Variants in RARS2 observed in about 807,000 individuals in gnomAD.
RARS2 encodes the protein probable arginine--tRNA ligase, mitochondrial.
RARS2 carries 67 observed loss-of-function variants against 88.5 expected under a neutral mutation model. That is an observed-to-expected ratio of 0.76 (90% CI 0.62 to 0.93). The LOEUF is 0.93. Among genes scored for constraint, RARS2 ranks in the 40% least tolerant of loss-of-function variants. The pLI is 0.00. For missense variants in RARS2, 664 were observed against 684.2 expected (o/e 0.97, Z 0.33); for synonymous variants, 239 against 230.3 (o/e 1.04, Z -0.34).
Position 87,519,728 on chromosome 6 carries a change from T to G in RARS2, c.1113-21A>C. The stretch of plus-strand genomic sequence containing the variant: ...GGCACCTAAAAGAGTGGGCATCTAG[T>G]TAACTGAAAGCTAAACAAGAGCTGC... On this transcript the variant is annotated intron_variant, in intron 13 of 19. Transcript: ENST00000369536. The G allele has an allele frequency of 6.2e-7, 1 of 1,613,882 alleles. No homozygotes were observed. The highest frequency in any genetic ancestry group is 1.3e-5 in the African/African-American group (1 of 75,030).
At chr6:87,565,618 A>C (rs1394833653) in intron 2 of RARS2, among the ~76,000 whole-genome samples, 1 of 152,222 alleles carries the variant, frequency 6.6e-6, no homozygotes, top group Non-Finnish European at 1.5e-5. Context: ...ACAACTTAGA[A>C]AGTGACCATG....
intron 4 of RARS2, among the ~76,000 whole-genome samples, chr6:87,556,790 C>CAAAA (rs71018038): frequency 0.034 from 2,629 of 76,846 alleles, 60 homozygotes; most frequent in Non-Finnish European, 0.038. Flanking sequence ...GACTCTGTCT[C>CAAAA]AAAAAAAAAA....
chr6:87,564,935 G>T (rs369081492), intron 2 of RARS2, among the ~76,000 whole-genome samples: 9 of 151,584 alleles, frequency 5.9e-5, no homozygotes, highest in African/African-American at 9.7e-5. Flanking sequence ...GCATGTGCCC[G>T]TAAGCCCAGC....
chr6:87,516,733 T>C, intron 18 of RARS2, 73 bp downstream of exon 18: 2 of 1,587,152 alleles, frequency 1.3e-6, no homozygotes, highest in South Asian at 1.1e-5. Context: ...GGAATTTGTT[T>C]ACAGGAAACC....
At chr6:87,559,667 TTTTTTAA>T (rs1438428175) in intron 4 of RARS2, among the ~76,000 whole-genome samples, 1 of 152,126 alleles carries the variant, frequency 6.6e-6, no homozygotes, top group African/African-American at 2.4e-5. Context: ...AAGAAAAATA[TTTTTTAA>T]TTTTTATTAT....
At chr6:87,526,212 T>C (rs1217232287) in intron 10 of RARS2, among the ~76,000 whole-genome samples, 6 of 152,030 alleles carry the variant, frequency 3.9e-5, no homozygotes, top group Non-Finnish European at 5.9e-5. Flanking sequence ...CAAAGCAATA[T>C]TGAGCAAAAA....
chr6:87,537,033 A>G (rs1172407340), intron 8 of RARS2, among the ~76,000 whole-genome samples: 1 of 152,260 alleles, frequency 6.6e-6, no homozygotes, highest in Non-Finnish European at 1.5e-5. Context: ...TTTTCATCAA[A>G]GAAATTCTGA....
chr6:87,539,262 A>G (rs1780155820), intron 8 of RARS2, among the ~76,000 whole-genome samples: 1 of 152,170 alleles, frequency 6.6e-6, no homozygotes, highest in African/African-American at 2.4e-5. Flanking sequence ...GTCTCTGTGT[A>G]AAAAGTGAAG....
chr6:87,586,920 ATTTT>A (rs1554227404), intron 1 of RARS2, among the ~76,000 whole-genome samples: 3 of 142,548 alleles, frequency 2.1e-5, no homozygotes, highest in Non-Finnish European at 4.6e-5. Flanking sequence ...TTATTTATTT[ATTTT>A]TTGAGACAGG....
intron 8 of RARS2, among the ~76,000 whole-genome samples, chr6:87,535,222 A>T (rs1413176863): frequency 1.3e-5 from 2 of 152,246 alleles, no homozygotes; most frequent in African/African-American, 4.8e-5. Flanking sequence ...GAAATCTTGA[A>T]CGCAATTTTT....
chr6:87,579,523 G>T (rs1457328246), intron 1 of RARS2, among the ~76,000 whole-genome samples: 1 of 152,088 alleles, frequency 6.6e-6, no homozygotes, highest in Non-Finnish European at 1.5e-5. Context: ...CTTCTCAGGT[G>T]ATTCAAGTCT....
At chr6:87,558,181 GAAA>G (rs200923177) in intron 4 of RARS2, among the ~76,000 whole-genome samples, 1 of 118,474 alleles carries the variant, frequency 8.4e-6, no homozygotes. Context: ...CCGTCTCAAA[GAAA>G]AAAAAAAAAA....
chr6:87,550,438 T>C (rs1783970438), intron 5 of RARS2, among the ~76,000 whole-genome samples: 1 of 151,976 alleles, frequency 6.6e-6, no homozygotes. Context: ...TTTAAATCAA[T>C]AATCTGAGCT....
At chr6:87,541,093 G>A (rs1780799219) in intron 8 of RARS2, among the ~76,000 whole-genome samples, 1 of 152,076 alleles carries the variant, frequency 6.6e-6, no homozygotes, top group Non-Finnish European at 1.5e-5. Flanking sequence ...TTCTATACCT[G>A]AAGAAATACT....
chr6:87,581,483 T>C (rs1264327472), intron 1 of RARS2, among the ~76,000 whole-genome samples: 1 of 152,046 alleles, frequency 6.6e-6, no homozygotes, highest in African/African-American at 2.4e-5. Flanking sequence ...CAGGTCTGCA[T>C]TAGTTTCAAG....
intron 18 of RARS2, chr6:87,515,845 C>T (rs974977763): frequency 3.3e-5 from 5 of 151,682 alleles, no homozygotes; most frequent in African/African-American, 1.2e-4. Context: ...GTAATCCCAG[C>T]TACTAGGGAG....
intron 1 of RARS2, among the ~76,000 whole-genome samples, chr6:87,588,760 G>C (rs1487353172): frequency 1.3e-5 from 2 of 152,120 alleles, no homozygotes; most frequent in Admixed American, 6.5e-5. Flanking sequence ...TTAAACCGCT[G>C]TATCAGATCA....
chr6:87,519,764 A>G (rs768470737), intron 13 of RARS2, 57 bp from the exon 14 acceptor site: 114 of 1,598,346 alleles, frequency 7.1e-5, no homozygotes, highest in Non-Finnish European at 9.4e-5. Context: ...TGCTGAAAGC[A>G]TATAATACCT....
chr6:87,555,562 C>T, intron 4 of RARS2, 57 bp from the exon 5 acceptor site: 1 of 1,316,656 alleles, frequency 7.6e-7, no homozygotes, highest in South Asian at 1.2e-5. Context: ...TTTAATTACT[C>T]TGTTACTGAG....
Sources: allele counts gnomAD v4.1 joint callset (sites outside exome capture counted in the v4.1 genomes callset), GRCh38; gene constraint gnomAD v4.1.1; transcripts MANE v1.5; gene names NCBI Gene and HGNC (gene_info 2026-07-23, HGNC 2026-07-21).